IGSF21: variants seen among roughly 807,000 people sequenced by gnomAD.
The protein encoded by IGSF21 is immunoglobulin superfamily member 21.
A neutral mutation model predicts 46.8 loss-of-function variants in IGSF21; 28 were observed. That is an observed-to-expected ratio of 0.60 (90% CI 0.44 to 0.82). The LOEUF is 0.82. Ranked by LOEUF, IGSF21 falls within the 40% of genes least tolerant of loss-of-function variation. IGSF21 has a pLI of 0.00. For synonymous variants in IGSF21, 284 were observed against 273.6 expected, an observed-to-expected ratio of 1.04 and a Z score of -0.38; for missense variants, 624 against 665.5, an observed-to-expected ratio of 0.94 and a Z score of 0.69.
At chr1:18,131,365 A>G (rs1411417809) in intron 1 of IGSF21, among the ~76,000 whole-genome samples, 6 of 152,194 alleles carry the variant, frequency 3.9e-5, no homozygotes, top group Non-Finnish European at 8.8e-5. Context: ...ACACTGTCAT[A>G]TAAAGTGAAC....
At position 18,189,236 on chromosome 1, in the gene IGSF21, G is replaced by A. The variant is rs928414868; in HGVS notation, c.71-38662G>A. Among the ~76,000 whole-genome samples the A allele has an allele frequency of 4.6e-5, 7 of 152,264 alleles. No individual in the cohort carries two copies. The South Asian group carries it at 6.2e-4, about 14-fold the overall frequency. ...TTCTTGCTATGTAGTTCTCTCTCTC[G>A]CTTGCTGAAAGGAGCAGAAAACTAA... On this transcript the variant is annotated intron_variant, in intron 1 of 9. Transcript: ENST00000251296.
chr1:18,346,090 C>T (rs1240272290), intron 4 of IGSF21, among the ~76,000 whole-genome samples: 4 of 152,164 alleles, frequency 2.6e-5, no homozygotes, highest in Admixed American at 1.3e-4. Flanking sequence ...TTACTTCCTA[C>T]GTATTTGGCT....
chr1:18,254,317 A>T (rs1384012895), intron 2 of IGSF21, among the ~76,000 whole-genome samples: 1 of 152,058 alleles, frequency 6.6e-6, no homozygotes, highest in African/African-American at 2.4e-5. Context: ...TGAGCCATTC[A>T]CTGGATCTAG....
chr1:18,339,802 C>T (rs1033358819), intron 4 of IGSF21, among the ~76,000 whole-genome samples: 5 of 152,148 alleles, frequency 3.3e-5, no homozygotes, highest in African/African-American at 9.7e-5. Context: ...GTTTGCCTTT[C>T]GGAACATGTA....
chr1:18,260,217 G>T (rs2084933764), intron 2 of IGSF21, among the ~76,000 whole-genome samples: 1 of 152,240 alleles, frequency 6.6e-6, no homozygotes, highest in South Asian at 2.1e-4. Context: ...GGTCCGAGGA[G>T]AGTGAAAGCC....
chr1:18,295,064 C>T (rs903291169), intron 3 of IGSF21, among the ~76,000 whole-genome samples: 4 of 152,168 alleles, frequency 2.6e-5, no homozygotes, highest in African/African-American at 7.2e-5. Flanking sequence ...AGCAATTTCG[C>T]GGGTAGCCTA....
At chr1:18,292,812 G>A (rs1053028625) in intron 3 of IGSF21, among the ~76,000 whole-genome samples, 5 of 152,236 alleles carry the variant, frequency 3.3e-5, no homozygotes, top group Non-Finnish European at 5.9e-5. Flanking sequence ...AAAGCTGGTC[G>A]GCTGCAACTG....
intron 3 of IGSF21, among the ~76,000 whole-genome samples, chr1:18,321,053 C>T (rs776139344): frequency 4.6e-5 from 7 of 152,232 alleles, no homozygotes; most frequent in African/African-American, 1.4e-4. Flanking sequence ...CAAGCACCAT[C>T]TCTTTGAACC....
At chr1:18,122,549 ACTT>A (rs1261958565) in intron 1 of IGSF21, among the ~76,000 whole-genome samples, 10 of 150,804 alleles carry the variant, frequency 6.6e-5, no homozygotes, top group South Asian at 2.1e-4. Flanking sequence ...TCAATAATGG[ACTT>A]CTTCTTTTTT....
At chr1:18,210,585 G>T (rs951560565) in intron 1 of IGSF21, among the ~76,000 whole-genome samples, 2 of 152,104 alleles carry the variant, frequency 1.3e-5, no homozygotes, top group Non-Finnish European at 2.9e-5. Flanking sequence ...CTGAGTCCAC[G>T]TGCATACCCC....
intron 2 of IGSF21, 66 bp from the exon 3 acceptor site, chr1:18,291,800 C>A: frequency 6.3e-7 from 1 of 1,587,666 alleles, no homozygotes. Context: ...TGTCAGTGTC[C>A]TGGGGAAAGG....
chr1:18,136,230 T>A (rs2124421222), intron 1 of IGSF21, among the ~76,000 whole-genome samples: 1 of 152,336 alleles, frequency 6.6e-6, no homozygotes, highest in African/African-American at 2.4e-5. Context: ...CTGATGGTGG[T>A]TTCTTTTGCT....
chr1:18,195,161 C>T (rs2086995047), intron 1 of IGSF21, among the ~76,000 whole-genome samples: 1 of 152,196 alleles, frequency 6.6e-6, no homozygotes, highest in South Asian at 2.1e-4. Context: ...CACGCCCCCA[C>T]TTCACAGAGC....
intron 3 of IGSF21, among the ~76,000 whole-genome samples, chr1:18,320,472 T>C (rs2085590119): frequency 6.6e-6 from 1 of 152,220 alleles, no homozygotes; most frequent in African/African-American, 2.4e-5. Context: ...AAAGCAAAGC[T>C]GTTTTTAGCT....
At chr1:18,177,467 A>G (rs1377792074) in intron 1 of IGSF21, among the ~76,000 whole-genome samples, 1 of 56,194 alleles carries the variant, frequency 1.8e-5, no homozygotes, top group Non-Finnish European at 4.4e-5. Flanking sequence ...GCATAAACCT[A>G]TCTATATTCA....
Position 18,322,189 on chromosome 1 carries a change from A to C in IGSF21, c.306-12703A>C, listed in dbSNP as rs2085609284. On this transcript the variant is annotated intron_variant, in intron 3 of 9. Coordinates refer to ENST00000251296, the MANE Select transcript of IGSF21 (RefSeq NM_032880.5). The surrounding 1 kb of genome is among the most constrained non-coding windows in gnomAD (Gnocchi z 4.3). The stretch of plus-strand genomic sequence containing the variant: ...ACAGGAGGTGCTCAGTGAACCTCTC[A>C]CTGGTACACTGATGAACGAGGCCTG... Among the ~76,000 whole-genome samples, 1 of 152,144 alleles carries C rather than the reference A, an allele frequency of 6.6e-6. No homozygotes were observed. Among genetic ancestry groups the C allele is most frequent in the Non-Finnish European group, 1.5e-5 (1 of 68,022 alleles).
At chr1:18,336,856 G>A (rs10796448) in intron 4 of IGSF21, among the ~76,000 whole-genome samples, 59,876 of 152,052 alleles carry the variant, frequency 0.39, 12,551 homozygotes, top group East Asian at 0.66. Flanking sequence ...CCTCACAATC[G>A]CGGTGGAAGG....
chr1:18,281,615 T>G (rs1322615786), intron 2 of IGSF21, among the ~76,000 whole-genome samples: 1 of 147,862 alleles, frequency 6.8e-6, no homozygotes, highest in South Asian at 2.2e-4. Context: ...GGTGGCTGAA[T>G]AAGTCCCTCC....
chr1:18,224,887 A>G (rs1196494556), intron 1 of IGSF21, among the ~76,000 whole-genome samples: 1 of 151,856 alleles, frequency 6.6e-6, no homozygotes, highest in Non-Finnish European at 1.5e-5. Context: ...CGACATGGTG[A>G]AACCCCATCT....
Sources: gnomAD v4.1 joint callset for allele counts (sites outside exome capture counted in the v4.1 genomes callset) on GRCh38, gnomAD v4.1.1 for gene constraint, Gnocchi (gnomAD v3.1) non-coding constraint, MANE v1.5 for transcripts, NCBI Gene and HGNC (gene_info 2026-07-23, HGNC 2026-07-21) for gene names.